Variants in COL21A1 observed in about 807,000 individuals in gnomAD.
COL21A1 encodes collagen type XXI alpha 1 chain.
COL21A1 carries 149 observed loss-of-function variants against 137.9 expected under a neutral mutation model. The ratio of observed to expected loss-of-function variants is 1.08; its 90% CI spans 0.95 to 1.24. COL21A1 has a LOEUF of 1.24. Ranked by LOEUF, COL21A1 falls within the 50% of genes most tolerant of loss-of-function variation. The pLI, the probability that COL21A1 is intolerant of heterozygous loss-of-function variation, is 0.00. For missense variants in COL21A1, 1,167 were observed against 1,158.4 expected (o/e 1.01, Z -0.11); for synonymous variants, 456 against 391.5 (o/e 1.16, Z -1.95).
At chr6:56,169,225 C>T (rs1309754817) in intron 5 of COL21A1, among the ~76,000 whole-genome samples, 3 of 151,938 alleles carry the variant, frequency 2.0e-5, no homozygotes, top group Non-Finnish European at 4.4e-5. Flanking sequence ...ATCTAGATCT[C>T]TCACCCTTTC....
intron 29 of COL21A1, 35 bp downstream of exon 29, chr6:56,059,130 A>G (rs775013308): frequency 6.6e-7 from 1 of 1,512,164 alleles, no homozygotes; most frequent in Non-Finnish European, 9.2e-7. Context: ...AAGCAAAATG[A>G]GCAGTAACAC....
intron 1 of COL21A1, among the ~76,000 whole-genome samples, chr6:56,310,339 C>T (rs9475661): frequency 0.86 from 130,074 of 152,058 alleles, 57,858 homozygotes; most frequent in South Asian, 0.99. Flanking sequence ...CACATTGGAA[C>T]CTACTAGGGA....
intron 10 of COL21A1, among the ~76,000 whole-genome samples, chr6:56,153,026 T>C (rs78551692): frequency 6.6e-6 from 1 of 152,230 alleles, no homozygotes; most frequent in Non-Finnish European, 1.5e-5. Flanking sequence ...TTCAGTGAGA[T>C]TAAAGAATTG....
At chr6:56,329,063 C>T (rs1459479727) in intron 1 of COL21A1, among the ~76,000 whole-genome samples, 1 of 152,106 alleles carries the variant, frequency 6.6e-6, no homozygotes, top group Non-Finnish European at 1.5e-5. Flanking sequence ...CAATGTATGG[C>T]TTTCTCATTT....
chr6:56,258,920 T>A (rs1437605191), intron 1 of COL21A1, among the ~76,000 whole-genome samples: 1 of 152,212 alleles, frequency 6.6e-6, no homozygotes, highest in African/African-American at 2.4e-5. Context: ...TGAGAGCTGC[T>A]GCATACAATA....
intron 1 of COL21A1, among the ~76,000 whole-genome samples, chr6:56,315,212 C>T (rs1395183892): frequency 6.6e-6 from 1 of 152,132 alleles, no homozygotes; most frequent in Non-Finnish European, 1.5e-5. Context: ...CATGGAGAGG[C>T]CCTGAGCGGG....
At chr6:56,134,725 AGT>A (rs1448245529) in intron 12 of COL21A1, among the ~76,000 whole-genome samples, 1 of 152,202 alleles carries the variant, frequency 6.6e-6, no homozygotes, top group African/African-American at 2.4e-5. Context: ...TTCACATGAT[AGT>A]GAATAAGTCT....
At chr6:56,320,867 A>AT (rs542027221) in intron 1 of COL21A1, among the ~76,000 whole-genome samples, 2 of 151,852 alleles carry the variant, frequency 1.3e-5, no homozygotes, top group Non-Finnish European at 2.9e-5. Context: ...TATACTTTTG[A>AT]TTTTTTTTAT....
At chr6:56,224,857 C>G (rs9475638) in intron 1 of COL21A1, among the ~76,000 whole-genome samples, 2,048 of 152,102 alleles carry the variant, frequency 0.013, 45 homozygotes, top group African/African-American at 0.046. Flanking sequence ...ACTACTTAAC[C>G]TATCACAACT....
intron 10 of COL21A1, among the ~76,000 whole-genome samples, chr6:56,146,560 T>C (rs1774851550): frequency 6.6e-6 from 1 of 152,130 alleles, no homozygotes; most frequent in African/African-American, 2.4e-5. Flanking sequence ...CTGAGCTAAG[T>C]GCTATGAAAG....
intron 23 of COL21A1, among the ~76,000 whole-genome samples, chr6:56,066,475 T>G (rs1414433876): frequency 6.6e-6 from 1 of 151,902 alleles, no homozygotes; most frequent in Non-Finnish European, 1.5e-5. Context: ...TTATTCTGCA[T>G]AGCAAAGCTC....
At chr6:56,099,128 G>C (rs145945051) in intron 17 of COL21A1, among the ~76,000 whole-genome samples, 1 of 151,656 alleles carries the variant, frequency 6.6e-6, no homozygotes, top group East Asian at 1.9e-4. Flanking sequence ...AGACTTGCCG[G>C]TCAGTCTGCC....
At chr6:56,300,737 G>C (rs1416097678) in intron 1 of COL21A1, among the ~76,000 whole-genome samples, 1 of 151,876 alleles carries the variant, frequency 6.6e-6, no homozygotes, top group Non-Finnish European at 1.5e-5. Context: ...AATAGAAGAG[G>C]GTACAATTAT....
intron 1 of COL21A1, among the ~76,000 whole-genome samples, chr6:56,327,723 T>C (rs1765129075): frequency 6.6e-6 from 1 of 152,206 alleles, no homozygotes; most frequent in East Asian, 1.9e-4. Flanking sequence ...TGAGGTCAAA[T>C]CCTGGCTCCA....
chr6:56,232,909 T>C (rs752818964), intron 1 of COL21A1, among the ~76,000 whole-genome samples: 45 of 151,832 alleles, frequency 3.0e-4, no homozygotes, highest in Non-Finnish European at 6.2e-4. Flanking sequence ...CCTCTACAAC[T>C]CCATAGCCTA....
intron 1 of COL21A1, among the ~76,000 whole-genome samples, chr6:56,318,145 T>G (rs934782651): frequency 1.3e-5 from 2 of 152,180 alleles, no homozygotes; most frequent in Admixed American, 1.3e-4. Flanking sequence ...TTAATTATTT[T>G]CATCACAAAA....
intron 16 of COL21A1, among the ~76,000 whole-genome samples, chr6:56,114,975 A>G (rs1771786996): frequency 6.6e-6 from 1 of 151,624 alleles, no homozygotes; most frequent in Non-Finnish European, 1.5e-5. Context: ...CATATACACC[A>G]TGGAATACTA....
intron 16 of COL21A1, among the ~76,000 whole-genome samples, chr6:56,114,728 C>G (rs543814418): frequency 1.4e-5 from 2 of 143,158 alleles, no homozygotes; most frequent in African/African-American, 5.2e-5. Flanking sequence ...GTTGGTGGGA[C>G]TGTAAACTAG....
At chr6:56,170,396 T>C (rs1000700728) in intron 5 of COL21A1, among the ~76,000 whole-genome samples, 5 of 152,078 alleles carry the variant, frequency 3.3e-5, no homozygotes, top group Non-Finnish European at 7.4e-5. Context: ...ATGGCTATTA[T>C]AATTAAATGT....
Sources: allele counts gnomAD v4.1 joint callset (sites outside exome capture counted in the v4.1 genomes callset), GRCh38; gene constraint gnomAD v4.1.1; transcripts MANE v1.5; gene names NCBI Gene and HGNC (gene_info 2026-07-23, HGNC 2026-07-21).